The following PTPRD variants were observed in gnomAD, a reference collection of about 807,000 sequenced individuals.
PTPRD encodes protein tyrosine phosphatase receptor type D, also known as receptor-type tyrosine-protein phosphatase delta.
Under a neutral mutation model 214.5 loss-of-function variants are expected in PTPRD, and 34 were observed. The observed-to-expected ratio is 0.16, with a 90% CI of 0.12 to 0.21. PTPRD has a LOEUF of 0.21. Among genes scored for constraint, PTPRD ranks in the 10% least tolerant of loss-of-function variants. The pLI, the probability that PTPRD is intolerant of heterozygous loss-of-function variation, is 1.00. For synonymous variants in PTPRD, 1,128 were observed against 845.7 expected (o/e 1.33, Z -5.79); for missense variants, 2,545 against 2,398.7 (o/e 1.06, Z -1.27).
intron 39 of PTPRD, among the ~76,000 whole-genome samples, chr9:8,345,249 C>A (rs1180243546): frequency 1.3e-5 from 2 of 152,058 alleles, no homozygotes; most frequent in Admixed American, 1.3e-4. Flanking sequence ...GGTTTCCTTT[C>A]CCCTTCTCTG....
intron 37 of PTPRD, among the ~76,000 whole-genome samples, chr9:8,381,797 A>T (rs2085171864): frequency 6.6e-6 from 1 of 152,224 alleles, no homozygotes; most frequent in African/African-American, 2.4e-5. Flanking sequence ...TGTGTCTGCC[A>T]GAAGTTGACA....
At chr9:9,367,500 A>G (rs1007113211) in intron 9 of PTPRD, among the ~76,000 whole-genome samples, 7 of 151,672 alleles carry the variant, frequency 4.6e-5, no homozygotes. Context: ...TGAAATACAT[A>G]AATTTGATAA....
At chr9:10,544,133 G>T (rs759071970) in intron 2 of PTPRD, among the ~76,000 whole-genome samples, 5 of 152,020 alleles carry the variant, frequency 3.3e-5, no homozygotes. Flanking sequence ...TTATAAGTAG[G>T]CTCTTTCTAC....
intron 14 of PTPRD, among the ~76,000 whole-genome samples, chr9:8,579,467 C>G (rs1407088902): frequency 1.3e-5 from 2 of 152,146 alleles, no homozygotes; most frequent in African/African-American, 2.4e-5. Flanking sequence ...TTCATTCATT[C>G]CACGTTCATT....
intron 9 of PTPRD, among the ~76,000 whole-genome samples, chr9:9,378,802 G>A (rs2061444332): frequency 1.3e-5 from 2 of 152,020 alleles, no homozygotes. Flanking sequence ...ATTGCCATCT[G>A]TATATCTTCT....
intron 3 of PTPRD, among the ~76,000 whole-genome samples, chr9:10,099,400 T>C (rs2098529132): frequency 6.6e-6 from 1 of 151,734 alleles, no homozygotes; most frequent in Non-Finnish European, 1.5e-5. Flanking sequence ...CAAATTAATG[T>C]AGGAATAAAA....
chr9:10,085,143 A>G (rs2154193000), intron 3 of PTPRD, among the ~76,000 whole-genome samples: 1 of 152,054 alleles, frequency 6.6e-6, no homozygotes, highest in South Asian at 2.1e-4. Context: ...CTATTTGTGT[A>G]AGTAAAATAA....
At chr9:8,393,360 T>C (rs2090189620) in intron 36 of PTPRD, among the ~76,000 whole-genome samples, 1 of 152,198 alleles carries the variant, frequency 6.6e-6, no homozygotes, top group Non-Finnish European at 1.5e-5. Flanking sequence ...AGGTGATTGC[T>C]TTTCATTCTT....
chr9:9,195,577 T>A (rs1237171881), intron 9 of PTPRD, among the ~76,000 whole-genome samples: 1 of 152,128 alleles, frequency 6.6e-6, no homozygotes, highest in Non-Finnish European at 1.5e-5. Context: ...TGTTAAAGTA[T>A]TGGTTTTATT....
At chr9:10,143,299 T>TAAAAA (rs955099409) in intron 3 of PTPRD, among the ~76,000 whole-genome samples, 1 of 151,188 alleles carries the variant, frequency 6.6e-6, no homozygotes, top group African/African-American at 2.4e-5. Context: ...TAAAATAAAA[T>TAAAAA]AAAAAAATAA....
Position 10,313,074 on chromosome 9 carries a change from G to A in PTPRD, c.-545+27889C>T, listed in dbSNP as rs551491908. Among the ~76,000 whole-genome samples the A allele has an allele frequency of 9.2e-5, 14 of 151,738 alleles. No individual in the cohort carries two copies. In the South Asian group the frequency reaches 1.5e-3, roughly 16 times the overall value. On this transcript the variant is annotated intron_variant, in intron 3 of 45. Coordinates refer to ENST00000381196, the MANE Select transcript of PTPRD (RefSeq NM_002839.4). ...TGTCCTCTCCATTCTTCCTCTCTCC[G>A]CAGGCTTTACTGTTAGCAATCTCCA...
chr9:8,857,260 G>A (rs966528952), intron 11 of PTPRD, among the ~76,000 whole-genome samples: 3 of 152,132 alleles, frequency 2.0e-5, no homozygotes, highest in Non-Finnish European at 4.4e-5. Flanking sequence ...CTTTAAAAAA[G>A]GCGGTGGCAG....
At chr9:9,058,736 AC>A (rs1045011018) in intron 10 of PTPRD, among the ~76,000 whole-genome samples, 31 of 151,888 alleles carry the variant, frequency 2.0e-4, no homozygotes, top group Middle Eastern at 3.4e-3. Context: ...GGCGTGAGCC[AC>A]CGCGCCCGGC....
intron 39 of PTPRD, among the ~76,000 whole-genome samples, chr9:8,367,525 C>T (rs1286206745): frequency 1.3e-5 from 2 of 152,120 alleles, no homozygotes; most frequent in Non-Finnish European, 2.9e-5. Context: ...GGTTAAGAAA[C>T]CCTGCTTATA....
intron 2 of PTPRD, among the ~76,000 whole-genome samples, chr9:10,446,991 T>G (rs1284198016): frequency 6.6e-6 from 1 of 152,142 alleles, no homozygotes; most frequent in African/African-American, 2.4e-5. Flanking sequence ...TCAGCCCAAA[T>G]ATACTCTGAT....
At chr9:9,249,434 T>G (rs1465572160) in intron 9 of PTPRD, among the ~76,000 whole-genome samples, 5 of 152,124 alleles carry the variant, frequency 3.3e-5, no homozygotes, top group African/African-American at 1.2e-4. Context: ...TTGTTCTTCG[T>G]AAACCTCTTG....
chr9:9,512,587 G>C (rs1325459168), intron 8 of PTPRD, among the ~76,000 whole-genome samples: 1 of 151,820 alleles, frequency 6.6e-6, no homozygotes, highest in East Asian at 1.9e-4. Context: ...CATTTCGTGA[G>C]CCTCTTTTTG....
At chr9:9,800,896 A>C (rs963983821) in intron 5 of PTPRD, among the ~76,000 whole-genome samples, 1 of 152,188 alleles carries the variant, frequency 6.6e-6, no homozygotes, top group Non-Finnish European at 1.5e-5. Flanking sequence ...AGGGATATGC[A>C]ACAGAAGCAT....
chr9:9,297,692 A>G (rs1953621956), intron 9 of PTPRD, among the ~76,000 whole-genome samples: 1 of 151,656 alleles, frequency 6.6e-6, no homozygotes, highest in South Asian at 2.1e-4. Flanking sequence ...AAAATCCAAC[A>G]TTGATGGTTG....
Sources: gnomAD v4.1 joint callset for allele counts (sites outside exome capture counted in the v4.1 genomes callset) on GRCh38, gnomAD v4.1.1 for gene constraint, MANE v1.5 for transcripts, NCBI Gene and HGNC (gene_info 2026-07-23, HGNC 2026-07-21) for gene names.